The following TNRC18 variants were observed in gnomAD, a reference collection of about 807,000 sequenced individuals.
TNRC18 encodes the protein trinucleotide repeat containing 18.
Under a neutral mutation model 226.7 loss-of-function variants are expected in TNRC18, and 69 were observed. The observed-to-expected ratio is 0.30, with a 90% CI of 0.25 to 0.37. The LOEUF (loss-of-function observed/expected upper bound fraction) is 0.37. Ranked by LOEUF, TNRC18 falls within the 10% of genes least tolerant of loss-of-function variation. The pLI is 1.00. For missense variants in TNRC18, 4,754 were observed against 4,256.6 expected, an observed-to-expected ratio of 1.12 and a Z score of -3.25; for synonymous variants, 2,449 against 1,927.6, an observed-to-expected ratio of 1.27 and a Z score of -7.09.
At chr7:5,387,293 G>T (rs958383565) in intron 5 of TNRC18, among the ~76,000 whole-genome samples, 1 of 152,152 alleles carries the variant, frequency 6.6e-6, no homozygotes, top group Non-Finnish European at 1.5e-5. Flanking sequence ...GGCTGGCTAG[G>T]TACCGGGGAC....
At position 5,389,086 on chromosome 7, in the gene TNRC18, G is replaced by T. The variant is rs767553677; in HGVS notation, c.738C>A (p.Arg246=). ...RGVVDLTQEA[R]AEGRQDRGPP... Reference sequence around the variant, plus strand: ...GCCCCCGGTCCTGGCGGCCCTCGGCGCGCGCCTCCTGGGTCAGGTCCACCA... The same window carrying T: ...GCCCCCGGTCCTGGCGGCCCTCGGCTCGCGCCTCCTGGGTCAGGTCCACCA... The change falls in exon 5 of 30, where the codon CGC becomes CGA. Residue 246 remains arginine, a synonymous_variant. Coordinates refer to ENST00000430969, the MANE Select transcript of TNRC18 (RefSeq NM_001080495.3). 5 of 1,290,528 alleles carry T rather than the reference G, an allele frequency of 3.9e-6. No individual in the cohort carries two copies. Among genetic ancestry groups the T allele is most frequent in the South Asian group, 1.9e-5 (1 of 53,600 alleles). 79.9% of individuals were successfully genotyped at this position (1,290,528 alleles called of 1,614,324 possible). A position where few individuals can be genotyped will look rare whatever the true frequency, so the allele number is the denominator to read the frequency against.
At chr7:5,349,252 C>A (rs1791531096) in intron 17 of TNRC18, among the ~76,000 whole-genome samples, 1 of 152,126 alleles carries the variant, frequency 6.6e-6, no homozygotes, top group South Asian at 2.1e-4. Context: ...TGGTGCACAC[C>A]CCGCTAGCGT....
At chr7:5,383,956 G>GC (rs1779575232) in intron 5 of TNRC18, among the ~76,000 whole-genome samples, 1 of 56,146 alleles carries the variant, frequency 1.8e-5, no homozygotes, top group Non-Finnish European at 3.1e-5. Context: ...ATACCCGGGT[G>GC]ATTTTTTTTT....
Position 5,339,949 on chromosome 7 carries a change from C to T in TNRC18, c.5719+5613G>A, listed in dbSNP as rs570885300. On this transcript the variant is annotated intron_variant, in intron 18 of 29. Coordinates refer to ENST00000430969, the MANE Select transcript of TNRC18 (RefSeq NM_001080495.3). Reference sequence around the variant, plus strand: ...CCGCCAACCGGCCTTCCTCATCTCTCTCCCTCTCCTTGGGCCTCCCTATTC... The same window carrying T: ...CCGCCAACCGGCCTTCCTCATCTCTTTCCCTCTCCTTGGGCCTCCCTATTC... 5.8e-4 allele frequency among the ~76,000 whole-genome samples: 88 copies of T among 152,180 alleles called. 2 individuals are homozygous for T. In the South Asian group the frequency reaches 0.017, roughly 29 times the overall value.
rs1794418757 is a variant in TNRC18 at position 5,374,207 on chromosome 7, G to A, written c.3077C>T (p.Thr1026Ile). 3.5e-6 allele frequency: 5 copies of A among 1,428,944 alleles called. No individual in the cohort carries two copies. The highest frequency in any genetic ancestry group is 5.7e-5 in the Admixed American group (2 of 35,180). 88.5% of individuals were successfully genotyped at this position (1,428,944 alleles called of 1,614,324 possible). A position where few individuals can be genotyped will look rare whatever the true frequency, so the allele number is the denominator to read the frequency against. Reference sequence around the variant, plus strand: ...CGGGCTGGTGGGGTGGGAGCTGGGGGTGGCGGGGTAGGCGTAGGCGGGTGG... The same window carrying A: ...CGGGCTGGTGGGGTGGGAGCTGGGGATGGCGGGGTAGGCGTAGGCGGGTGG... The part of the protein sequence containing the change: ...SKPPAYAYPA[T>I]PSSHPTSPPP... The change falls in exon 10 of 30, where the codon ACC becomes ATC. Residue 1026 changes from threonine to isoleucine, a missense_variant. By Grantham distance (89) the Thr-to-Ile change is moderately conservative. Coordinates refer to ENST00000430969, the MANE Select transcript of TNRC18 (RefSeq NM_001080495.3).
chr7:5,351,872 T>A lies in TNRC18; in HGVS notation c.5417A>T (p.Glu1806Val). 1 of 1,612,820 alleles carries A rather than the reference T, an allele frequency of 6.2e-7. No individual in the cohort carries two copies. The highest frequency in any genetic ancestry group is 8.5e-7 in the Non-Finnish European group (1 of 1,179,444). The part of the protein sequence containing the change: ...RKQPFCLLLR[E>V]AEARSSFSDS... ...GCTGAAGGAGGAACGCGCCTCGGCCTCTCGAAGCAGCAGACAAAACGGCTG... is the reference window on the plus strand; with the variant it reads ...GCTGAAGGAGGAACGCGCCTCGGCCACTCGAAGCAGCAGACAAAACGGCTG... Residue 1806 changes from glutamate to valine, a missense_variant, in exon 17 of 30, where the codon GAG (glutamate) becomes GTG (valine). Transcript: ENST00000430969.
intron 24 of TNRC18, among the ~76,000 whole-genome samples, chr7:5,318,864 G>A (rs1225475007): frequency 2.6e-5 from 4 of 152,196 alleles, no homozygotes; most frequent in Non-Finnish European, 4.4e-5. Context: ...AATCAGGGTA[G>A]AATGAAGCGA....
At chr7:5,349,221 A>G (rs1791528279) in intron 17 of TNRC18, among the ~76,000 whole-genome samples, 1 of 152,018 alleles carries the variant, frequency 6.6e-6, no homozygotes, top group Admixed American at 6.6e-5. Flanking sequence ...ACAAGGCCAC[A>G]CCCGCTGCTC....
Position 5,389,919 on chromosome 7 carries a change from GT to G in TNRC18, c.487+565del, listed in dbSNP as rs797021301. On this transcript the variant is annotated intron_variant, in intron 4 of 29. Coordinates refer to ENST00000430969, the MANE Select transcript of TNRC18 (RefSeq NM_001080495.3). ...TTAAATCTACCCTTCCCAAGCCTCAGTTTCCTCATCTGTAAAAGGAGAGACC... is the reference window on the plus strand; with the variant it reads ...TTAAATCTACCCTTCCCAAGCCTCAGTTCCTCATCTGTAAAAGGAGAGACC... The G allele has an allele frequency of 2.3e-3, 145 of 62,734 alleles. 2 individuals are homozygous for G. Among genetic ancestry groups the G allele is most frequent in the African/African-American group, 4.6e-3 (135 of 29,488 alleles). 3.9% of individuals were successfully genotyped at this position (62,734 alleles called of 1,614,324 possible).
intron 5 of TNRC18, among the ~76,000 whole-genome samples, chr7:5,382,227 G>C (rs560341231): frequency 2.8e-3 from 426 of 152,236 alleles, no homozygotes; most frequent in Non-Finnish European, 4.5e-3. Flanking sequence ...CGTCCAAGTC[G>C]GCCCTGCTGA....
chr7:5,337,899 C>T (rs946607914), intron 18 of TNRC18, among the ~76,000 whole-genome samples: 3 of 152,016 alleles, frequency 2.0e-5, no homozygotes, highest in Non-Finnish European at 4.4e-5. Flanking sequence ...AGGAGAATCG[C>T]TTGAACCCTG....
Position 5,359,379 on chromosome 7 carries a change from G to C in TNRC18, c.4833+19C>G. On this transcript the variant is annotated intron_variant, in intron 15 of 29. Transcript: ENST00000430969. ...CCTCCCTGAAAGATCTCACACACCT[G>C]GAAGACTGGGTTACTCACCTGACTG... The C allele has an allele frequency of 6.2e-7, 1 of 1,613,644 alleles. No individual in the cohort carries two copies. Among genetic ancestry groups the C allele is most frequent in the African/African-American group, 1.3e-5 (1 of 74,996 alleles).
rs1794659132 is a variant in TNRC18, at chr7:5,376,206, G to A, written c.2627C>T (p.Ala876Val). The change falls in exon 9 of 30, where the codon GCC becomes GTC. Residue 876 changes from alanine (A) to valine (V), a missense_variant. Ala to Val is a moderately conservative substitution (Grantham distance 64). Coordinates refer to ENST00000430969, the MANE Select transcript of TNRC18 (RefSeq NM_001080495.3). ...LPHFAELMER[A>V]TVPPLWPALY... ...GGCGGGCCAGAGGGGCGGTACGGTG[G>A]CCCGCTCCATCAGCTCCGCTGCAGG... The A allele has an allele frequency of 3.3e-6, 5 of 1,510,920 alleles. No homozygotes were observed. The highest frequency in any genetic ancestry group is 3.5e-6 in the Non-Finnish European group (4 of 1,132,738). 93.6% of individuals were successfully genotyped at this position (1,510,920 alleles called of 1,614,324 possible).
At chr7:5,414,119 G>C (rs918022004) in intron 2 of TNRC18, among the ~76,000 whole-genome samples, 12 of 151,590 alleles carry the variant, frequency 7.9e-5, no homozygotes, top group African/African-American at 2.9e-4. Context: ...GCTAATTTCT[G>C]TATTTTTAGT....
At chr7:5,421,951 T>C (rs1251439048) in intron 1 of TNRC18, among the ~76,000 whole-genome samples, 1 of 152,248 alleles carries the variant, frequency 6.6e-6, no homozygotes, top group Non-Finnish European at 1.5e-5. Flanking sequence ...GTTTAATATT[T>C]AACCTTTTGG....
chr7:5,402,998 T>C (rs370720323), intron 2 of TNRC18, among the ~76,000 whole-genome samples: 2 of 151,932 alleles, frequency 1.3e-5, no homozygotes, highest in South Asian at 2.1e-4. Context: ...GGGAGAGGGA[T>C]TGGTGTCCCT....
chr7:5,313,082 G>C lies in TNRC18; in HGVS notation c.7809C>G (p.Ser2603Arg). 1 of 1,245,332 alleles carries C rather than the reference G, an allele frequency of 8.0e-7. No homozygotes were observed. Among genetic ancestry groups the C allele is most frequent in the Non-Finnish European group, 1.1e-6 (1 of 880,062 alleles). The allele number at this position is 1,245,332 out of a possible 1,614,324, so 77.1% of individuals were successfully genotyped here. A position where few individuals can be genotyped will look rare whatever the true frequency, so the allele number is the denominator to read the frequency against. Residue 2603 changes from serine (S) to arginine (R), a missense_variant, in exon 27 of 30, where the codon AGC (serine) becomes AGG (arginine). Coordinates refer to ENST00000430969, the MANE Select transcript of TNRC18 (RefSeq NM_001080495.3). ...GGCGTGGRNC[S>R]AASSRAASPA... ...GTGAGGCCGCCCTGGAGCTGGCAGC[G>C]CTGCAGTTACGGCCCCCGGTGCCGC...
chr7:5,404,960 A>C (rs1781365909), intron 2 of TNRC18, among the ~76,000 whole-genome samples: 1 of 150,934 alleles, frequency 6.6e-6, no homozygotes, highest in African/African-American at 2.4e-5. Flanking sequence ...CTAAAATACA[A>C]AAAAAAAATT....
At chr7:5,385,979 T>C (rs1369731099) in intron 5 of TNRC18, among the ~76,000 whole-genome samples, 1 of 84,564 alleles carries the variant, frequency 1.2e-5, no homozygotes, top group Admixed American at 1.5e-4. Flanking sequence ...CAAAAGTCTG[T>C]CTCAAAAAAA....
Sources: allele counts gnomAD v4.1 joint callset (sites outside exome capture counted in the v4.1 genomes callset), GRCh38; gene constraint gnomAD v4.1.1; transcripts MANE v1.5; gene names NCBI Gene and HGNC (gene_info 2026-07-23, HGNC 2026-07-21).